The following RPGRIP1L variants were observed in gnomAD, a reference collection of about 807,000 sequenced individuals.
The protein encoded by RPGRIP1L is RPGRIP1 like, also known as protein fantom.
RPGRIP1L carries 131 observed loss-of-function variants against 160.4 expected under a neutral mutation model. That is an observed-to-expected ratio of 0.82 (90% CI 0.71 to 0.94). RPGRIP1L has a LOEUF of 0.94. Ranked by LOEUF, RPGRIP1L falls within the 40% of genes least tolerant of loss-of-function variation. RPGRIP1L has a pLI of 0.00. For synonymous variants in RPGRIP1L, 510 were observed against 515.8 expected (o/e 0.99, Z 0.15); for missense variants, 1,522 against 1,535.8 (o/e 0.99, Z 0.15).
intron 20 of RPGRIP1L, 26 bp from the exon 21 acceptor site, chr16:53,637,880 TA>T: frequency 6.2e-7 from 1 of 1,605,134 alleles, no homozygotes; most frequent in South Asian, 1.1e-5. Context: ...CACACTGGTA[TA>T]TTTATAATTG....
chr16:53,616,591 C>T (rs1487498251), intron 24 of RPGRIP1L, among the ~76,000 whole-genome samples: 2 of 152,088 alleles, frequency 1.3e-5, no homozygotes, highest in Non-Finnish European at 2.9e-5. Context: ...GAAAATTCTA[C>T]ACAGTCAAAT....
At chr16:53,611,569 G>A (rs1482065438) in intron 24 of RPGRIP1L, among the ~76,000 whole-genome samples, 1 of 152,244 alleles carries the variant, frequency 6.6e-6, no homozygotes, top group Non-Finnish European at 1.5e-5. Flanking sequence ...GGGTATGGGA[G>A]AGAAACGTGC....
At chr16:53,674,515 TAA>T (rs1438911178) in intron 7 of RPGRIP1L, among the ~76,000 whole-genome samples, 1 of 152,096 alleles carries the variant, frequency 6.6e-6, no homozygotes, top group Non-Finnish European at 1.5e-5. Flanking sequence ...TAGTTGACGT[TAA>T]GAGTAATCAA....
chr16:53,688,042 T>C (rs992461494), intron 4 of RPGRIP1L, 77 bp from the exon 5 acceptor site: 3 of 879,804 alleles, frequency 3.4e-6, no homozygotes, highest in South Asian at 1.4e-5. Flanking sequence ...ATAATAAGGA[T>C]ATTTATAATA....
At chr16:53,689,702 G>A (rs545337276) in intron 4 of RPGRIP1L, among the ~76,000 whole-genome samples, 1 of 152,288 alleles carries the variant, frequency 6.6e-6, no homozygotes, top group South Asian at 2.1e-4. Context: ...GACAAGTCTC[G>A]CCTGTCTCAG....
rs367845452 is a variant in RPGRIP1L at position 53,641,059 on chromosome 16, C to T, written c.2932G>A (p.Val978Met). 1.1e-4 allele frequency: 171 copies of T among 1,613,608 alleles called. No homozygotes were observed. The highest frequency in any genetic ancestry group is 3.3e-4 in the Middle Eastern group (2 of 6,054). The change falls in exon 19 of 27, where the codon GTG (valine) becomes ATG (methionine). Residue 978 changes from valine (V) to methionine (M), a missense_variant. Transcript: ENST00000647211. Reference sequence around the variant, plus strand: ...TCACTCTGATGTGGCATGATATCCACGAAAGATACCTTCTTATCTACAGGT... The same window carrying T: ...TCACTCTGATGTGGCATGATATCCATGAAAGATACCTTCTTATCTACAGGT... ...LTPVDKKVSF[V>M]DIMPHQSDET...
Position 53,658,858 on chromosome 16 carries a change from G to T in RPGRIP1L, c.1264C>A (p.Gln422Lys). ...TGTAACTGTAGTTCTCTATTCTCTT[G>T]AACGAGTTTTTCATTTTGATCTTAA... ...TERDQNEKLV[Q>K]ENRELQLQYL... The change falls in exon 11 of 27, where the codon CAA becomes AAA. Residue 422 changes from glutamine to lysine, a missense_variant. Coordinates refer to ENST00000647211, the MANE Select transcript of RPGRIP1L (RefSeq NM_015272.5). 1 of 1,602,112 alleles carries T rather than the reference G, an allele frequency of 6.2e-7. No individual in the cohort carries two copies. The highest frequency in any genetic ancestry group is 8.5e-7 in the Non-Finnish European group (1 of 1,171,766).
At chr16:53,690,721 T>C (rs993694275) in intron 4 of RPGRIP1L, among the ~76,000 whole-genome samples, 1 of 152,148 alleles carries the variant, frequency 6.6e-6, no homozygotes, top group African/African-American at 2.4e-5. Flanking sequence ...TCAGAGAGGA[T>C]AGGTCACTTT....
chr16:53,604,975 C>T (rs1465850083), intron 26 of RPGRIP1L, among the ~76,000 whole-genome samples: 3 of 152,026 alleles, frequency 2.0e-5, no homozygotes, highest in East Asian at 1.9e-4. Context: ...CCCAGGAGTT[C>T]GAGACCAGCC....
At chr16:53,604,846 TAA>T (rs1254255186) in intron 26 of RPGRIP1L, among the ~76,000 whole-genome samples, 1 of 152,104 alleles carries the variant, frequency 6.6e-6, no homozygotes, top group Non-Finnish European at 1.5e-5. Flanking sequence ...TCCTGAAGGT[TAA>T]GTCTTAGCTG....
chr16:53,617,987 G>A (rs960015116), intron 24 of RPGRIP1L, among the ~76,000 whole-genome samples: 7 of 152,146 alleles, frequency 4.6e-5, no homozygotes, highest in African/African-American at 1.4e-4. Flanking sequence ...AGAGCTCTAG[G>A]AGAACATACT....
Position 53,626,829 on chromosome 16 carries a change from T to G in RPGRIP1L, c.3295-4473A>C, listed in dbSNP as rs537637960. On this transcript the variant is annotated intron_variant, in intron 22 of 26. Transcript: ENST00000647211. ...CTCAAAAAAAAAAAAAAAAAAAATT[T>G]TTTTTGTGGTGAACAGAAGTCATTC... Among the ~76,000 whole-genome samples the G allele has an allele frequency of 1.4e-3, 217 of 151,894 alleles. 1 individual carries two copies. Among genetic ancestry groups the G allele is most frequent in the Non-Finnish European group, 2.4e-3 (165 of 67,976 alleles).
intron 15 of RPGRIP1L, among the ~76,000 whole-genome samples, chr16:53,649,814 C>G (rs573537226): frequency 1.9e-3 from 296 of 152,200 alleles, no homozygotes; most frequent in African/African-American, 6.5e-3. Context: ...TTCTTTGGCC[C>G]GTCTGTTTAC....
chr16:53,625,502 C>T (rs1389559146), intron 22 of RPGRIP1L, among the ~76,000 whole-genome samples: 2 of 145,466 alleles, frequency 1.4e-5, no homozygotes, highest in East Asian at 4.3e-4. Context: ...CGCCCAGCGG[C>T]CGCCCCGTCT....
intron 9 of RPGRIP1L, among the ~76,000 whole-genome samples, chr16:53,667,749 T>A (rs373805887): frequency 6.6e-4 from 100 of 152,112 alleles, no homozygotes; most frequent in African/African-American, 2.3e-3. Flanking sequence ...GACAAACACA[T>A]GTAATCCCAG....
At chr16:53,640,937 GTTTCCATTTAA>G in intron 19 of RPGRIP1L, 85 bp downstream of exon 19, 1 of 864,918 alleles carries the variant, frequency 1.2e-6, no homozygotes, top group Non-Finnish European at 1.9e-6. Context: ...TTATTCACCT[GTTTCCATTTAA>G]ATCAGGTAGG....
At chr16:53,664,327 CA>C (rs1455032859) in intron 10 of RPGRIP1L, among the ~76,000 whole-genome samples, 1 of 152,182 alleles carries the variant, frequency 6.6e-6, no homozygotes, top group African/African-American at 2.4e-5. Context: ...TAGAATTAGA[CA>C]TCTCATCAGA....
chr16:53,648,432 A>G (rs1485937311), intron 16 of RPGRIP1L, among the ~76,000 whole-genome samples: 1 of 152,174 alleles, frequency 6.6e-6, no homozygotes, highest in Admixed American at 6.5e-5. Context: ...ATTTTTAACA[A>G]AAGTCTTTTG....
At chr16:53,659,882 C>G (rs1967624922) in intron 10 of RPGRIP1L, 1 of 151,606 alleles carries the variant, frequency 6.6e-6, no homozygotes, top group South Asian at 2.1e-4. Flanking sequence ...TCTGTCCCCC[C>G]AAAATAAATA....
Sources: allele counts gnomAD v4.1 joint callset (sites outside exome capture counted in the v4.1 genomes callset), GRCh38; gene constraint gnomAD v4.1.1; transcripts MANE v1.5; gene names NCBI Gene and HGNC (gene_info 2026-07-23, HGNC 2026-07-21).